Variants in MYO6 observed in about 807,000 individuals in gnomAD.
MYO6 encodes the protein unconventional myosin-VI.
In MYO6, 74 loss-of-function variants were observed where a neutral mutation model predicts 178.7. The ratio of observed to expected loss-of-function variants is 0.41; its 90% confidence interval spans 0.34 to 0.50. MYO6 has a LOEUF of 0.50. Among genes scored for constraint, MYO6 ranks in the 20% least tolerant of loss-of-function variants. The probability of loss-of-function intolerance (pLI) is 0.09; values close to 1 mark genes in which losing one functional copy is unlikely to be tolerated. For missense variants in MYO6, 1,330 were observed against 1,547.4 expected (o/e 0.86, Z 2.36); for synonymous variants, 477 against 504.6 (o/e 0.95, Z 0.73).
intron 33 of MYO6, among the ~76,000 whole-genome samples, chr6:75,912,445 T>C (rs961773458): frequency 6.6e-6 from 1 of 152,080 alleles, no homozygotes; most frequent in Non-Finnish European, 1.5e-5. Flanking sequence ...TCTGTGTCTT[T>C]GTGTTTTTCC....
chr6:75,796,796 C>G (rs1001647349), intron 1 of MYO6, among the ~76,000 whole-genome samples: 3 of 151,974 alleles, frequency 2.0e-5, no homozygotes, highest in Non-Finnish European at 4.4e-5. Context: ...TCCATGTGTA[C>G]TCAGTGTTTA....
chr6:75,880,218 G>A, intron 22 of MYO6, 98 bp downstream of exon 22: 2 of 916,594 alleles, frequency 2.2e-6, no homozygotes, highest in Non-Finnish European at 3.4e-6. Flanking sequence ...TATTATTCTT[G>A]AATTATATGG....
intron 1 of MYO6, among the ~76,000 whole-genome samples, chr6:75,775,033 A>G (rs560372992): frequency 7.9e-5 from 12 of 152,234 alleles, no homozygotes; most frequent in African/African-American, 2.9e-4. Flanking sequence ...ACCTCAGGTG[A>G]TCTGCCCGCC....
At chr6:75,779,828 C>G (rs1012621185) in intron 1 of MYO6, among the ~76,000 whole-genome samples, 1 of 152,174 alleles carries the variant, frequency 6.6e-6, no homozygotes, top group Non-Finnish European at 1.5e-5. Flanking sequence ...TTTTTCTTAA[C>G]CAGTTTGTTG....
intron 1 of MYO6, among the ~76,000 whole-genome samples, chr6:75,762,745 A>C (rs1778062635): frequency 6.6e-6 from 1 of 152,188 alleles, no homozygotes; most frequent in South Asian, 2.1e-4. Context: ...AATCTAAGCC[A>C]TTGTCTGCAG....
intron 25 of MYO6, 144 bp from the exon 26 acceptor site, chr6:75,889,913 T>C (rs1326796781): frequency 4.2e-6 from 3 of 705,962 alleles, no homozygotes; most frequent in African/African-American, 3.6e-5. Flanking sequence ...TAGTTTTTTA[T>C]TTTAAATTGT....
intron 1 of MYO6, among the ~76,000 whole-genome samples, chr6:75,798,108 T>A (rs1769047470): frequency 6.6e-6 from 1 of 152,202 alleles, no homozygotes; most frequent in African/African-American, 2.4e-5. Flanking sequence ...ATTTTTATAG[T>A]TTGAGGTCTT....
At position 75,903,059 on chromosome 6, in the gene MYO6, A is replaced by G. The variant is rs898372789; in HGVS notation, c.3177-4546A>G. The stretch of plus-strand genomic sequence containing the variant: ...TTTTGAGTGAGATTCTTAATCCTGA[A>G]TTCTAGTTTCATTGCACTGTGGTCT... On this transcript the variant is annotated intron_variant, in intron 30 of 34. Coordinates refer to ENST00000369977, the MANE Select transcript of MYO6 (RefSeq NM_004999.4). Among the ~76,000 whole-genome samples the G allele has an allele frequency of 8.5e-5, 13 of 152,196 alleles. No individual in the cohort carries two copies. In the East Asian group the frequency reaches 2.3e-3, roughly 27 times the overall value.
At chr6:75,862,567 A>G in intron 15 of MYO6, 29 bp from the exon 16 acceptor site, 2 of 1,579,930 alleles carry the variant, frequency 1.3e-6, no homozygotes, top group Non-Finnish European at 1.7e-6. Context: ...TTTTTACACT[A>G]TTGTGAGTGT....
At chr6:75,862,824 A>G (rs1049216460) in intron 16 of MYO6, 101 bp downstream of exon 16, 45 of 1,360,382 alleles carry the variant, frequency 3.3e-5, no homozygotes, top group Non-Finnish European at 4.3e-5. Flanking sequence ...AATAAAAATT[A>G]TGGCGTGTAT....
chr6:75,786,652 A>G (rs1767591396), intron 1 of MYO6, among the ~76,000 whole-genome samples: 1 of 152,164 alleles, frequency 6.6e-6, no homozygotes, highest in Non-Finnish European at 1.5e-5. Context: ...GAAGGGCTGC[A>G]AGGGCTGTAC....
rs1048398387 is a variant in MYO6 at position 75,873,828 on chromosome 6, C to G, written c.2077+528C>G. Among the ~76,000 whole-genome samples the G allele has an allele frequency of 1.3e-4, 20 of 152,280 alleles. No homozygotes were observed. The East Asian group carries it at 3.5e-3, about 26-fold the overall frequency. On this transcript the variant is annotated intron_variant, in intron 20 of 34. Transcript: ENST00000369977. Reference sequence around the variant, plus strand: ...TAAAGAAAATGAAACACGATTCCCTCTGCATCTGTGACACTTCATCCATTT... The same window carrying G: ...TAAAGAAAATGAAACACGATTCCCTGTGCATCTGTGACACTTCATCCATTT...
At chr6:75,884,745 G>A (rs1778299901) in intron 23 of MYO6, among the ~76,000 whole-genome samples, 2 of 152,212 alleles carry the variant, frequency 1.3e-5, no homozygotes, top group South Asian at 4.1e-4. Flanking sequence ...TTCTGTTCCT[G>A]TGTGGGAGCA....
At chr6:75,811,659 C>T (rs1770709859) in intron 1 of MYO6, among the ~76,000 whole-genome samples, 1 of 152,148 alleles carries the variant, frequency 6.6e-6, no homozygotes. Flanking sequence ...ACAAATTTTA[C>T]ACACAGTGAT....
At chr6:75,756,355 C>T (rs960059371) in intron 1 of MYO6, among the ~76,000 whole-genome samples, 9 of 151,648 alleles carry the variant, frequency 5.9e-5, no homozygotes, top group East Asian at 1.9e-4. Flanking sequence ...TTTTTTGAGA[C>T]GGAGTCTCGC....
At chr6:75,822,978 A>G in intron 3 of MYO6, 127 bp downstream of exon 3, 1 of 754,208 alleles carries the variant, frequency 1.3e-6, no homozygotes, top group Non-Finnish European at 2.3e-6. Context: ...TTTGACATGA[A>G]TATTCATGTG....
At chr6:75,901,240 C>T (rs1240917037) in intron 30 of MYO6, among the ~76,000 whole-genome samples, 11 of 152,076 alleles carry the variant, frequency 7.2e-5, no homozygotes, top group Middle Eastern at 6.8e-3. Flanking sequence ...TCCATATGAA[C>T]TTTAAAGTAG....
intron 14 of MYO6, among the ~76,000 whole-genome samples, chr6:75,860,565 G>A (rs957719889): frequency 6.6e-6 from 1 of 152,182 alleles, no homozygotes; most frequent in Non-Finnish European, 1.5e-5. Flanking sequence ...GTGCCTTCTA[G>A]AATGTCAGAA....
intron 1 of MYO6, among the ~76,000 whole-genome samples, chr6:75,772,602 C>T (rs1039710971): frequency 1.3e-5 from 2 of 152,132 alleles, no homozygotes; most frequent in African/African-American, 2.4e-5. Context: ...TGAGAACAGA[C>T]GGGACTAAGA....
Sources: allele counts gnomAD v4.1 joint callset (sites outside exome capture counted in the v4.1 genomes callset), GRCh38; gene constraint gnomAD v4.1.1; transcripts MANE v1.5; gene names NCBI Gene and HGNC (gene_info 2026-07-23, HGNC 2026-07-21).